Variants in IQCH observed in about 807,000 individuals in gnomAD.
The protein encoded by IQCH is IQ motif containing H.
IQCH carries 98 observed loss-of-function variants against 117.0 expected under a neutral mutation model. That is an observed-to-expected ratio of 0.84 (90% CI 0.71 to 0.99). The LOEUF (loss-of-function observed/expected upper bound fraction) is 0.99. Among genes scored for constraint, IQCH ranks in the 50% least tolerant of loss-of-function variants. IQCH has a pLI of 0.00. For synonymous variants in IQCH, 412 were observed against 448.2 expected (o/e 0.92, Z 1.02); for missense variants, 1,102 against 1,243.8 (o/e 0.89, Z 1.72).
intron 5 of IQCH, 91 bp downstream of exon 5, chr15:67,337,186 C>A (rs1210626202): frequency 2.1e-6 from 3 of 1,433,454 alleles, no homozygotes; most frequent in South Asian, 1.3e-5. Flanking sequence ...GACTCTGGCT[C>A]AGCCACTAAT....
At chr15:67,396,236 G>C (rs1357593046) in intron 13 of IQCH, among the ~76,000 whole-genome samples, 1 of 152,200 alleles carries the variant, frequency 6.6e-6, no homozygotes, top group Non-Finnish European at 1.5e-5. Flanking sequence ...TCCAGTGAGT[G>C]AGCCTCCCCA....
At position 67,359,687 on chromosome 15, in the gene IQCH, G is replaced by C. The variant is rs907162956; in HGVS notation, c.715-160G>C. The stretch of plus-strand genomic sequence containing the variant: ...GAGCATCGTTGTCAGTGTGGGAAAG[G>C]TCTTTCTAATTATTAGCTCCTGCCT... On this transcript the variant is annotated intron_variant, in intron 7 of 20. Coordinates refer to ENST00000335894, the MANE Select transcript of IQCH (RefSeq NM_001031715.3). The surrounding 1 kb of genome is among the most constrained non-coding windows in gnomAD (Gnocchi z 4.5). 1.3e-5 allele frequency among the ~76,000 whole-genome samples: 2 copies of C among 152,214 alleles called. No individual in the cohort carries two copies. Among genetic ancestry groups the C allele is most frequent in the Admixed American group, 6.5e-5 (1 of 15,286 alleles).
At position 67,479,859 on chromosome 15, in the gene IQCH, C is replaced by A. The variant is rs896376465; in HGVS notation, c.2799+4041C>A. Among the ~76,000 whole-genome samples, 4 of 152,152 alleles carry A rather than the reference C, an allele frequency of 2.6e-5. No individual in the cohort carries two copies. The highest frequency in any genetic ancestry group is 4.4e-5 in the Non-Finnish European group (3 of 68,036). On this transcript the variant is annotated intron_variant, in intron 18 of 20. Transcript: ENST00000335894. This position sits in a 1 kb window ranked among gnomAD's most constrained non-coding sequence, Gnocchi z 4.6. ...CAGACTTTTCAAATGATGTTCTTGT[C>A]CAAAGTCCCAGGGGGAAAAAAGGGA...
rs889148103 is a variant in IQCH, at chr15:67,381,866, A to G, written c.1373-3070A>G. Among the ~76,000 whole-genome samples the G allele has an allele frequency of 6.6e-6, 1 of 151,972 alleles. No homozygotes were observed. On this transcript the variant is annotated intron_variant, in intron 10 of 20. Transcript: ENST00000335894. The surrounding 1 kb of genome is among the most constrained non-coding windows in gnomAD (Gnocchi z 5.1). ...TGTGGTAGTGTGCACCAGTAGTCTC[A>G]CCTAATTGAGAGGCTGAGGTGGGAG...
Position 67,370,775 on chromosome 15 carries a change from G to C in IQCH, c.754-1336G>C, listed in dbSNP as rs116674107. Among the ~76,000 whole-genome samples, 2 of 152,148 alleles carry C rather than the reference G, an allele frequency of 1.3e-5. No individual in the cohort carries two copies. Among genetic ancestry groups the C allele is most frequent in the African/African-American group, 4.8e-5 (2 of 41,422 alleles). On this transcript the variant is annotated intron_variant, in intron 8 of 20. Transcript: ENST00000335894. The surrounding 1 kb of genome is among the most constrained non-coding windows in gnomAD (Gnocchi z 5.6). ...CACAAAAAGCTCACTGCTGTTTAAA[G>C]TCTGCTTCTAAAGTGAAAGGAAATT...
At chr15:67,400,491 C>CTTTTTTTTTTTTTTT (rs1555481901) in intron 14 of IQCH, among the ~76,000 whole-genome samples, 186 bp downstream of exon 14, 1 of 115,596 alleles carries the variant, frequency 8.7e-6, no homozygotes, top group African/African-American at 3.2e-5. Context: ...TCTTTTTTTT[C>CTTTTTTTTTTTTTTT]TTTTTTTTTT....
intron 4 of IQCH, among the ~76,000 whole-genome samples, chr15:67,311,901 C>G (rs542176174): frequency 2.0e-5 from 3 of 152,084 alleles, no homozygotes; most frequent in African/African-American, 7.2e-5. Flanking sequence ...GGATTTCAAG[C>G]ATGAGTGGAC....
intron 18 of IQCH, among the ~76,000 whole-genome samples, chr15:67,483,796 T>A (rs529469152): frequency 2.0e-5 from 3 of 152,256 alleles, no homozygotes; most frequent in East Asian, 3.9e-4. Flanking sequence ...CCCAAAAATT[T>A]GTGTGTGGAT....
At chr15:67,345,569 C>A (rs1193271981) in intron 6 of IQCH, among the ~76,000 whole-genome samples, 1 of 152,154 alleles carries the variant, frequency 6.6e-6, no homozygotes, top group African/African-American at 2.4e-5. Flanking sequence ...GCCCCAACAA[C>A]CTATAACTAC....
chr15:67,483,548 A>G lies in IQCH; in HGVS notation c.2800-6455A>G, dbSNP rs148286068. ...AATTAAAGAAAGAAAGAACAGAAGC[A>G]TCTAAGGTGAGTGTCATATTCCCCC... On this transcript the variant is annotated intron_variant, in intron 18 of 20. Transcript: ENST00000335894. Among the ~76,000 whole-genome samples the G allele has an allele frequency of 1.2e-4, 18 of 152,306 alleles. 1 individual carries two copies. In the East Asian group the frequency reaches 2.3e-3, roughly 20 times the overall value.
chr15:67,269,876 A>C (rs12901789), intron 3 of IQCH, among the ~76,000 whole-genome samples: 33,220 of 152,068 alleles, frequency 0.22, 4,225 homozygotes, highest in East Asian at 0.47. Context: ...TTCTTTATCC[A>C]TTCATCCATT....
In IQCH at chr15:67,496,207, C is replaced by T. The variant is rs1037153474; in HGVS notation, c.2970+1841C>T. Among the ~76,000 whole-genome samples the T allele has an allele frequency of 6.6e-6, 1 of 151,848 alleles. No individual in the cohort carries two copies. Among genetic ancestry groups the T allele is most frequent in the South Asian group, 2.1e-4 (1 of 4,820 alleles). On this transcript the variant is annotated intron_variant, in intron 20 of 20. Coordinates refer to ENST00000335894, the MANE Select transcript of IQCH (RefSeq NM_001031715.3). The surrounding 1 kb of genome is among the most constrained non-coding windows in gnomAD (Gnocchi z 4.4). Reference sequence around the variant, plus strand: ...TGGCTCATGCCTGTAGTCCCAGCTACTTGGGGGGCTGAGGTGGGAGAATCA... The same window carrying T: ...TGGCTCATGCCTGTAGTCCCAGCTATTTGGGGGGCTGAGGTGGGAGAATCA...
At chr15:67,255,934 G>A (rs932818400) in intron 1 of IQCH, among the ~76,000 whole-genome samples, 3 of 152,088 alleles carry the variant, frequency 2.0e-5, no homozygotes, top group Non-Finnish European at 4.4e-5. Context: ...AATGAGTTTA[G>A]CCAAACTGCG....
In IQCH at chr15:67,328,079, C is replaced by A. The variant is rs185649161; in HGVS notation, c.388-8896C>A. Among the ~76,000 whole-genome samples, 619 of 152,242 alleles carry A rather than the reference C, an allele frequency of 4.1e-3. 3 individuals are homozygous for A. The highest frequency in any genetic ancestry group is 6.4e-3 in the Non-Finnish European group (438 of 68,012). Reference sequence around the variant, plus strand: ...GTTCCCTTCTTTCAAGATCAGCTACCCTCTAGCTTCTGCCTGCTTTCATTC... The same window carrying A: ...GTTCCCTTCTTTCAAGATCAGCTACACTCTAGCTTCTGCCTGCTTTCATTC... On this transcript the variant is annotated intron_variant, in intron 4 of 20. Coordinates refer to ENST00000335894, the MANE Select transcript of IQCH (RefSeq NM_001031715.3).
intron 4 of IQCH, 63 bp downstream of exon 4, chr15:67,279,575 G>A: frequency 2.2e-6 from 2 of 905,602 alleles, no homozygotes; most frequent in Non-Finnish European, 3.5e-6. Flanking sequence ...GCTGGGAGGA[G>A]CAGAGACTAG....
chr15:67,499,089 G>A (rs138561362), intron 20 of IQCH, among the ~76,000 whole-genome samples: 259 of 152,144 alleles, frequency 1.7e-3, no homozygotes, highest in Middle Eastern at 3.4e-3. Flanking sequence ...TTGAGGCCAG[G>A]AGTTTGAGAC....
Position 67,372,262 on chromosome 15 carries a change from T to G in IQCH, c.905T>G (p.Leu302Trp). The change falls in exon 9 of 21, where the codon TTG becomes TGG. Residue 302 changes from leucine (L) to tryptophan (W), a missense_variant. Physicochemically the swap from Leu to Trp is moderately conservative, Grantham distance 61. Around this residue, in one of 2 missense-constraint regions of IQCH, gnomAD observed 452 missense variants for 449.6 expected, o/e 1.01. Transcript: ENST00000335894. ...SLAWGGIFSL[L>W]EHVEKFLRNY... ...GCTTGGGGAGGTATTTTTTCTCTCTTGGAACACGTCGAGAAGTTTCTCAGG... is the reference window on the plus strand; with the variant it reads ...GCTTGGGGAGGTATTTTTTCTCTCTGGGAACACGTCGAGAAGTTTCTCAGG... 6.2e-7 allele frequency: 1 copy of G among 1,614,144 alleles called. No homozygotes were observed.
At chr15:67,351,170 C>A (rs1393657174) in intron 6 of IQCH, among the ~76,000 whole-genome samples, 1 of 152,094 alleles carries the variant, frequency 6.6e-6, no homozygotes, top group African/African-American at 2.4e-5. Context: ...TTTGCTGCAC[C>A]TATCAACCCA....
chr15:67,440,016 C>A (rs2082229762), intron 16 of IQCH, among the ~76,000 whole-genome samples: 1 of 151,730 alleles, frequency 6.6e-6, no homozygotes, highest in African/African-American at 2.4e-5. Context: ...AATAACCTCA[C>A]TAAGAAACGA....
Sources: gnomAD v4.1 joint callset for allele counts (sites outside exome capture counted in the v4.1 genomes callset) on GRCh38, gnomAD v4.1.1 for gene constraint, gnomAD v4.1.1 regional missense constraint, Gnocchi (gnomAD v3.1) non-coding constraint, MANE v1.5 for transcripts, NCBI Gene and HGNC (gene_info 2026-07-23, HGNC 2026-07-21) for gene names.